BPNT1: variants seen among roughly 807,000 people sequenced by gnomAD.
The protein encoded by BPNT1 is 3'(2'),5'-bisphosphate nucleotidase 1.
Under a neutral mutation model 36.9 loss-of-function variants are expected in BPNT1, and 28 were observed. The observed-to-expected ratio is 0.76, with a 90% CI of 0.56 to 1.04. The LOEUF is 1.04. Among genes scored for constraint, BPNT1 ranks in the 50% least tolerant of loss-of-function variants. BPNT1 has a pLI of 0.00. For synonymous variants in BPNT1, 119 were observed against 130.9 expected (o/e 0.91, Z 0.62); for missense variants, 313 against 372.9 (o/e 0.84, Z 1.32).
At chr1:220,081,085 C>G (rs1405862814) in intron 1 of BPNT1, among the ~76,000 whole-genome samples, 1 of 152,054 alleles carries the variant, frequency 6.6e-6, no homozygotes, top group Non-Finnish European at 1.5e-5. Flanking sequence ...ATTACAGGCG[C>G]CCACCACCAT....
intron 4 of BPNT1, among the ~76,000 whole-genome samples, chr1:220,070,392 C>T (rs1180373167): frequency 6.6e-6 from 1 of 152,106 alleles, no homozygotes; most frequent in Non-Finnish European, 1.5e-5. Context: ...GTCACCCAGG[C>T]TGGAGTGCAG....
At chr1:220,078,444 T>G (rs1316039474) in intron 2 of BPNT1, among the ~76,000 whole-genome samples, 1 of 138,952 alleles carries the variant, frequency 7.2e-6, no homozygotes, top group Non-Finnish European at 1.5e-5. Flanking sequence ...TATATAATAA[T>G]TATACTTATA....
intron 1 of BPNT1, among the ~76,000 whole-genome samples, chr1:220,080,937 G>GA (rs1004812332): frequency 6.6e-6 from 1 of 152,148 alleles, no homozygotes; most frequent in Non-Finnish European, 1.5e-5. Flanking sequence ...GAAATAAACG[G>GA]AAAAAACAGC....
chr1:220,081,040 C>G (rs1655053012), intron 1 of BPNT1, among the ~76,000 whole-genome samples: 1 of 152,192 alleles, frequency 6.6e-6, no homozygotes, highest in Non-Finnish European at 1.5e-5. Flanking sequence ...TCTTGGCTCA[C>G]TGCAACCTCT....
chr1:220,069,250 C>T (rs1663825012), intron 5 of BPNT1, 134 bp downstream of exon 5: 1 of 621,514 alleles, frequency 1.6e-6, no homozygotes, highest in Non-Finnish European at 2.6e-6. Context: ...ACCATGAGCA[C>T]AAATATAGCT....
intron 6 of BPNT1, among the ~76,000 whole-genome samples, chr1:220,064,421 G>A (rs1663344837): frequency 6.6e-6 from 1 of 152,198 alleles, no homozygotes; most frequent in Admixed American, 6.5e-5. Context: ...AACACCTGTG[G>A]AAGGAGGAGG....
At chr1:220,066,024 C>T in intron 6 of BPNT1, 2 of 1,420,504 alleles carry the variant, frequency 1.4e-6, no homozygotes. Context: ...AAGTTGCCTG[C>T]TTCTTTTCTA....
intron 8 of BPNT1, 34 bp downstream of exon 8, chr1:220,059,652 A>T: frequency 6.9e-7 from 1 of 1,451,190 alleles, no homozygotes; most frequent in Non-Finnish European, 9.5e-7. Flanking sequence ...AATTGTAGAA[A>T]AACTATGAAT....
intron 1 of BPNT1, among the ~76,000 whole-genome samples, chr1:220,086,668 C>T (rs1226641524): frequency 6.0e-5 from 9 of 150,682 alleles, no homozygotes; most frequent in African/African-American, 1.7e-4. Context: ...CTCCGCCTCC[C>T]GGGTTCAGCC....
At chr1:220,074,483 C>T (rs1664363401) in intron 2 of BPNT1, among the ~76,000 whole-genome samples, 1 of 151,570 alleles carries the variant, frequency 6.6e-6, no homozygotes, top group Non-Finnish European at 1.5e-5. Context: ...TTCACAGGTA[C>T]AGAGTAAGAA....
intron 7 of BPNT1, among the ~76,000 whole-genome samples, chr1:220,061,641 GATCAGT>G (rs1663050017): frequency 6.6e-6 from 1 of 152,068 alleles, no homozygotes; most frequent in South Asian, 2.1e-4. Flanking sequence ...TGTTTGGCTG[GATCAGT>G]TAGAAAAATG....
At chr1:220,089,101 G>GAAAAAAA (rs764942826) in intron 1 of BPNT1, among the ~76,000 whole-genome samples, 2 of 39,160 alleles carry the variant, frequency 5.1e-5, no homozygotes, top group South Asian at 9.7e-4. Context: ...ACTCCGTCTC[G>GAAAAAAA]AAAAAAAAAA....
intron 7 of BPNT1, among the ~76,000 whole-genome samples, chr1:220,061,384 A>G (rs911222139): frequency 6.6e-6 from 1 of 152,138 alleles, no homozygotes; most frequent in East Asian, 1.9e-4. Context: ...AAATACAAAA[A>G]TTAGCCAGGT....
chr1:220,082,626 AC>A (rs1482682413), intron 1 of BPNT1, among the ~76,000 whole-genome samples: 4 of 143,296 alleles, frequency 2.8e-5, no homozygotes, highest in Non-Finnish European at 6.2e-5. Context: ...TCACTCTGTC[AC>A]CCAGGCTGGA....
intron 2 of BPNT1, among the ~76,000 whole-genome samples, chr1:220,074,507 T>C (rs1664367109): frequency 6.6e-6 from 1 of 152,022 alleles, no homozygotes; most frequent in African/African-American, 2.4e-5. Flanking sequence ...CTATTTGTTT[T>C]TTTTTTTGAG....
intron 6 of BPNT1, 112 bp from the exon 7 acceptor site, chr1:220,063,066 T>A: frequency 8.2e-7 from 1 of 1,221,822 alleles, no homozygotes. Context: ...AAAAACATGA[T>A]AGCCGGGCGC....
At chr1:220,068,003 CA>C (rs1204644853) in intron 5 of BPNT1, among the ~76,000 whole-genome samples, 1 of 152,124 alleles carries the variant, frequency 6.6e-6, no homozygotes, top group African/African-American at 2.4e-5. Flanking sequence ...AGCACACACA[CA>C]TACATACACA....
At chr1:220,072,592 GGT>G (rs1664168469) in intron 4 of BPNT1, among the ~76,000 whole-genome samples, 1 of 152,136 alleles carries the variant, frequency 6.6e-6, no homozygotes, top group Non-Finnish European at 1.5e-5. Context: ...TGGGATTACA[GGT>G]GTGAGCCACC....
At position 220,069,388 on chromosome 1, in the gene BPNT1, G is replaced by A. The variant is rs34136285; in HGVS notation, c.378C>T (p.Thr126=). The A allele has an allele frequency of 2.2e-3, 3,557 of 1,598,126 alleles. 15 individuals carry two copies. The highest frequency in any genetic ancestry group is 0.016 in the Middle Eastern group (98 of 6,006). ...VDPLDGTKEY[T]EGLLDNVTVL... Reference sequence around the variant, plus strand: ...GAATACAAAAGAGATATCAACCTTCGGTATATTCCTTGGTTCCATCCAGAG... The same window carrying A: ...GAATACAAAAGAGATATCAACCTTCAGTATATTCCTTGGTTCCATCCAGAG... The change falls in exon 5 of 9, where the codon ACC becomes ACT. Residue 126 remains threonine (T), a synonymous_variant. Transcript: ENST00000322067.
Sources: allele counts gnomAD v4.1 joint callset (sites outside exome capture counted in the v4.1 genomes callset), GRCh38; gene constraint gnomAD v4.1.1; transcripts MANE v1.5; gene names NCBI Gene and HGNC (gene_info 2026-07-23, HGNC 2026-07-21).